Variants in HS3ST4 observed in about 807,000 individuals in gnomAD.
The protein encoded by HS3ST4 is heparan sulfate-glucosamine 3-sulfotransferase 4.
HS3ST4 carries 17 observed loss-of-function variants against 29.2 expected under a neutral mutation model. The observed-to-expected ratio is 0.58, with a 90% CI of 0.40 to 0.87. The LOEUF (loss-of-function observed/expected upper bound fraction) is 0.87, where lower values mean the gene tolerates loss of function less well. HS3ST4 is among the 40% of genes least tolerant of loss of function. The pLI is 0.00. For synonymous variants in HS3ST4, 314 were observed against 285.7 expected (o/e 1.10, Z -1.00); for missense variants, 627 against 634.5 (o/e 0.99, Z 0.13).
At chr16:26,041,724 C>G (rs990936058) in intron 1 of HS3ST4, among the ~76,000 whole-genome samples, 5 of 152,122 alleles carry the variant, frequency 3.3e-5, no homozygotes, top group Admixed American at 1.3e-4. Flanking sequence ...TTCACAAAAA[C>G]AAATGGCAGC....
chr16:26,049,511 A>G (rs1487720107), intron 1 of HS3ST4, among the ~76,000 whole-genome samples: 1 of 147,656 alleles, frequency 6.8e-6, no homozygotes, highest in African/African-American at 2.6e-5. Flanking sequence ...TGTGTCCTTG[A>G]GCGGAAAAAC....
At chr16:25,889,282 G>T (rs987753323) in intron 1 of HS3ST4, among the ~76,000 whole-genome samples, 3 of 152,190 alleles carry the variant, frequency 2.0e-5, no homozygotes, top group African/African-American at 7.2e-5. Flanking sequence ...ATGTGACTCT[G>T]AGCTCATCGT....
chr16:25,798,261 G>A (rs533551682), intron 1 of HS3ST4, among the ~76,000 whole-genome samples: 2 of 152,312 alleles, frequency 1.3e-5, no homozygotes. Flanking sequence ...GGATACAGTA[G>A]TGTATCAGTC....
chr16:25,995,485 C>T (rs1002241485), intron 1 of HS3ST4, among the ~76,000 whole-genome samples: 3 of 152,280 alleles, frequency 2.0e-5, no homozygotes, highest in Middle Eastern at 3.4e-3. Flanking sequence ...AGTGGAAAAA[C>T]ATTGGTTTCC....
chr16:25,737,652 T>C (rs970937436), intron 1 of HS3ST4, among the ~76,000 whole-genome samples: 1 of 152,074 alleles, frequency 6.6e-6, no homozygotes, highest in Admixed American at 6.6e-5. Context: ...ATTACTTGAG[T>C]AATGGTTACA....
At chr16:25,782,789 T>C (rs1327719803) in intron 1 of HS3ST4, among the ~76,000 whole-genome samples, 1 of 152,238 alleles carries the variant, frequency 6.6e-6, no homozygotes, top group Non-Finnish European at 1.5e-5. Context: ...TATTAAATGT[T>C]ATTAAATTCA....
chr16:26,038,776 C>T (rs1040611870), intron 1 of HS3ST4, among the ~76,000 whole-genome samples: 35 of 152,198 alleles, frequency 2.3e-4, no homozygotes, highest in African/African-American at 7.5e-4. Flanking sequence ...CTCCGCCTCC[C>T]GGGTTCATGC....
At chr16:25,726,134 A>C (rs1481531972) in intron 1 of HS3ST4, among the ~76,000 whole-genome samples, 1 of 152,250 alleles carries the variant, frequency 6.6e-6, no homozygotes, top group Non-Finnish European at 1.5e-5. Flanking sequence ...TGTGACCCAC[A>C]GTTTGAAAAC....
intron 1 of HS3ST4, among the ~76,000 whole-genome samples, chr16:25,711,306 C>T (rs1244699483): frequency 6.6e-6 from 1 of 152,076 alleles, no homozygotes; most frequent in Non-Finnish European, 1.5e-5. Context: ...CTTAGCTACC[C>T]CTTCCCAATG....
At chr16:25,976,560 T>C (rs116006122) in intron 1 of HS3ST4, among the ~76,000 whole-genome samples, 2,128 of 152,268 alleles carry the variant, frequency 0.014, 47 homozygotes, top group African/African-American at 0.049. Context: ...GTGGTTGGTG[T>C]ATGGCGGTGG....
chr16:25,813,365 T>A (rs950120627), intron 1 of HS3ST4, among the ~76,000 whole-genome samples: 3 of 152,036 alleles, frequency 2.0e-5, no homozygotes, highest in African/African-American at 7.2e-5. Context: ...TGGCTCACAC[T>A]TGTAATCCCA....
chr16:25,828,301 C>CCT (rs1196055715), intron 1 of HS3ST4, among the ~76,000 whole-genome samples: 1,044 of 32,896 alleles, frequency 0.032, 112 homozygotes, highest in East Asian at 0.055. Context: ...TCTTTCTTTC[C>CCT]CTCTCTCTCT....
chr16:25,863,399 G>A (rs1030548442), intron 1 of HS3ST4, among the ~76,000 whole-genome samples: 47 of 152,042 alleles, frequency 3.1e-4, no homozygotes, highest in African/African-American at 1.0e-3. Context: ...AGTCTTATGT[G>A]TTCTACTCTG....
intron 1 of HS3ST4, among the ~76,000 whole-genome samples, chr16:26,092,540 G>C (rs774884558): frequency 1.3e-4 from 20 of 152,130 alleles, no homozygotes; most frequent in Non-Finnish European, 2.9e-4. Context: ...CATGAGACTT[G>C]GTACACCATA....
chr16:25,838,139 A>G (rs183581554), intron 1 of HS3ST4, among the ~76,000 whole-genome samples: 54 of 152,346 alleles, frequency 3.5e-4, no homozygotes, highest in Non-Finnish European at 7.5e-4. Flanking sequence ...CCCAGATGCT[A>G]AACAGGAATA....
At chr16:25,712,939 T>C (rs1172087546) in intron 1 of HS3ST4, among the ~76,000 whole-genome samples, 1 of 152,208 alleles carries the variant, frequency 6.6e-6, no homozygotes, top group East Asian at 1.9e-4. Flanking sequence ...GACGGCTCTA[T>C]TCTCCCTGTG....
chr16:25,835,599 A>G (rs1967348809), intron 1 of HS3ST4, among the ~76,000 whole-genome samples: 1 of 152,214 alleles, frequency 6.6e-6, no homozygotes, highest in East Asian at 1.9e-4. Flanking sequence ...GCTTACAGTA[A>G]TCCCATTTGA....
rs566964513 is a variant in HS3ST4 at position 26,084,392 on chromosome 16, C to T, written c.735-51220C>T. ...AAAAGAAATTTCTGAAAAGAAATAGCCTCTTTGCTGGAATTGGCTTTCTCC... is the reference window on the plus strand; with the variant it reads ...AAAAGAAATTTCTGAAAAGAAATAGTCTCTTTGCTGGAATTGGCTTTCTCC... On this transcript the variant is annotated intron_variant, in intron 1 of 1. Transcript: ENST00000331351. 9.8e-5 allele frequency among the ~76,000 whole-genome samples: 15 copies of T among 152,302 alleles called. No individual in the cohort carries two copies. In the South Asian group the frequency reaches 2.9e-3, roughly 29 times the overall value.
At chr16:25,756,554 A>T (rs563668517) in intron 1 of HS3ST4, among the ~76,000 whole-genome samples, 2 of 152,316 alleles carry the variant, frequency 1.3e-5, no homozygotes, top group East Asian at 3.9e-4. Flanking sequence ...GTCCCTTCCC[A>T]TGCTCTGATT....
Sources: allele counts gnomAD v4.1 joint callset (sites outside exome capture counted in the v4.1 genomes callset), GRCh38; gene constraint gnomAD v4.1.1; transcripts MANE v1.5; gene names NCBI Gene and HGNC (gene_info 2026-07-23, HGNC 2026-07-21).